Variants in PDGFB observed in about 807,000 individuals in gnomAD.
PDGFB encodes the protein platelet-derived growth factor subunit B.
A neutral mutation model predicts 29.0 loss-of-function variants in PDGFB; 6 were observed. The observed-to-expected ratio is 0.21, with a 90% CI of 0.11 to 0.41. The LOEUF is 0.41. Among genes scored for constraint, PDGFB ranks in the 10% least tolerant of loss-of-function variants. PDGFB has a pLI of 1.00. For missense variants in PDGFB, 299 were observed against 341.8 expected, an observed-to-expected ratio of 0.87 and a Z score of 0.99; for synonymous variants, 144 against 140.8, an observed-to-expected ratio of 1.02 and a Z score of -0.16.
chr22:39,231,696 G>A lies in PDGFB; in HGVS notation c.382C>T (p.Gln128Ter). The change falls in exon 4 of 7, where the codon CAG becomes TAG. Residue 128 changes from glutamine (Q) to a stop codon, truncating the protein, a stop_gained. Transcript: ENST00000331163. LOFTEE classifies it high-confidence loss of function. The surrounding 1 kb of genome is among the most constrained non-coding windows in gnomAD (Gnocchi z 4.3). ...TTGTTGCAGCAGCCGGAGCAGCGCTGCACCTCCACACAGGGCGGCCACACC... is the reference window on the plus strand; with the variant it reads ...TTGTTGCAGCAGCCGGAGCAGCGCTACACCTCCACACAGGGCGGCCACACC... ...FLVWPPCVEV[Q>*]RCSGCCNNRN... 6.2e-7 allele frequency: 1 copy of A among 1,605,808 alleles called. No individual in the cohort carries two copies. The highest frequency in any genetic ancestry group is 8.5e-7 in the Non-Finnish European group (1 of 1,176,836).
intron 2 of PDGFB, among the ~76,000 whole-genome samples, chr22:39,233,900 C>T (rs1156267603): frequency 2.6e-5 from 4 of 152,070 alleles, no homozygotes; most frequent in Non-Finnish European, 5.9e-5. Flanking sequence ...CCCAGCGTTC[C>T]CATAGGAAGT....
intron 2 of PDGFB, among the ~76,000 whole-genome samples, chr22:39,234,714 T>G (rs1425941162): frequency 6.6e-6 from 1 of 152,116 alleles, no homozygotes; most frequent in Non-Finnish European, 1.5e-5. Flanking sequence ...ATGCGCTTTG[T>G]GGAAAGGTTA....
chr22:39,239,853 G>GCACA lies in PDGFB; in HGVS notation c.64-3983_64-3980dup, dbSNP rs3985946. Among the ~76,000 whole-genome samples, 362 of 151,662 alleles carry GCACA rather than the reference G, an allele frequency of 2.4e-3. 3 individuals are homozygous for GCACA. The highest frequency in any genetic ancestry group is 4.3e-3 in the Admixed American group (65 of 15,242). ...GAACCCCACCCTCCTCCTGGGCCCAGCACACACACACAGATACACACTCCC... is the reference window on the plus strand; with the variant it reads ...GAACCCCACCCTCCTCCTGGGCCCAGCACACACACACACACAGATACACACTCCC... On this transcript the variant is annotated intron_variant, in intron 1 of 6. Coordinates refer to ENST00000331163, the MANE Select transcript of PDGFB (RefSeq NM_002608.4).
intron 4 of PDGFB, 85 bp from the exon 5 acceptor site, chr22:39,230,313 C>CGGTG (rs1569135457): frequency 7.3e-7 from 1 of 1,376,870 alleles, no homozygotes; most frequent in African/African-American, 1.4e-5. Flanking sequence ...CTTCCCACCC[C>CGGTG]GGTGTCCCCT....
rs1377696354 is a variant in PDGFB, at chr22:39,241,004, C to T, written c.63+2897G>A. On this transcript the variant is annotated intron_variant, in intron 1 of 6. Transcript: ENST00000331163. ...TCCTCCAAATTCTGTTTGACCTGCCCTTGCACACCTCCAGGGCTCTGGGAT... is the reference window on the plus strand; with the variant it reads ...TCCTCCAAATTCTGTTTGACCTGCCTTTGCACACCTCCAGGGCTCTGGGAT... 9 of 967,166 alleles carry T rather than the reference C, an allele frequency of 9.3e-6. No homozygotes were observed. The African/African-American group carries it at 9.6e-5, about 10-fold the overall frequency. The allele number at this position is 967,166 out of a possible 1,614,324, so 59.9% of individuals were successfully genotyped here.
At chr22:39,237,823 T>C (rs1009573638) in intron 1 of PDGFB, among the ~76,000 whole-genome samples, 3 of 152,294 alleles carry the variant, frequency 2.0e-5, no homozygotes, top group Non-Finnish European at 2.9e-5. Context: ...CATCTGTGAA[T>C]CGAGGGGCTT....
chr22:39,230,271 G>A (rs779458038), intron 4 of PDGFB, 43 bp from the exon 5 acceptor site: 3 of 1,607,182 alleles, frequency 1.9e-6, no homozygotes, highest in East Asian at 4.5e-5. Context: ...AGACCACACA[G>A]CCAGGAGCCC....
At chr22:39,238,512 C>G (rs561769962) in intron 1 of PDGFB, among the ~76,000 whole-genome samples, 1 of 152,124 alleles carries the variant, frequency 6.6e-6, no homozygotes, top group Non-Finnish European at 1.5e-5. Flanking sequence ...AGAAAAACAC[C>G]GTATAAACTA....
chr22:39,226,555 T>G (rs2285094), intron 5 of PDGFB, among the ~76,000 whole-genome samples: 2 of 152,056 alleles, frequency 1.3e-5, no homozygotes, highest in South Asian at 4.1e-4. Context: ...CCAATAGAAC[T>G]GCCCAGCTGA....
chr22:39,233,088 G>A (rs1442654431), intron 3 of PDGFB, among the ~76,000 whole-genome samples: 3 of 152,158 alleles, frequency 2.0e-5, no homozygotes, highest in African/African-American at 7.2e-5. Context: ...CAGCCCTACC[G>A]CTCCCTAGCA....
intron 3 of PDGFB, 48 bp downstream of exon 3, chr22:39,233,387 G>T: frequency 7.0e-7 from 1 of 1,418,644 alleles, no homozygotes; most frequent in Non-Finnish European, 9.7e-7. Flanking sequence ...CTCTTTCCCT[G>T]GCCCCCATGC....
intron 1 of PDGFB, among the ~76,000 whole-genome samples, chr22:39,236,217 C>T (rs1218020298): frequency 6.6e-6 from 1 of 152,248 alleles, no homozygotes; most frequent in Non-Finnish European, 1.5e-5. Context: ...TCTCACAACA[C>T]ACCTGACAGC....
chr22:39,231,558 C>T lies in PDGFB; in HGVS notation c.456+64G>A, dbSNP rs1167186372. 8.2e-6 allele frequency: 10 copies of T among 1,226,490 alleles called. No individual in the cohort carries two copies. The highest frequency in any genetic ancestry group is 6.7e-5 in the Admixed American group (3 of 44,528). The allele number at this position is 1,226,490 out of a possible 1,614,324, so 76.0% of individuals were successfully genotyped here. On this transcript the variant is annotated intron_variant, in intron 4 of 6. Transcript: ENST00000331163. The surrounding 1 kb of genome is among the most constrained non-coding windows in gnomAD (Gnocchi z 4.3). The stretch of plus-strand genomic sequence containing the variant: ...TCAAGGAAGCCTGGTCAGGTATGAG[C>T]CCCAGAAGGGTGGTCTCCACCCACC...
intron 1 of PDGFB, among the ~76,000 whole-genome samples, chr22:39,240,008 T>A (rs1932530484): frequency 6.6e-6 from 1 of 152,214 alleles, no homozygotes; most frequent in Non-Finnish European, 1.5e-5. Context: ...AGGCCTTATT[T>A]AGATCGAATG....
rs73884887 is a variant in PDGFB, at chr22:39,240,153, G to A, written c.63+3748C>T. Among the ~76,000 whole-genome samples the A allele has an allele frequency of 7.4e-3, 1,131 of 152,186 alleles. 27 individuals are homozygous for A. The highest frequency in any genetic ancestry group is 0.026 in the African/African-American group (1,065 of 41,530). Reference sequence around the variant, plus strand: ...TCCCGCTCAGCCTCTGCTCCTTCACGTGGGCCCAGAACCCTGGCCTCCCCA... The same window carrying A: ...TCCCGCTCAGCCTCTGCTCCTTCACATGGGCCCAGAACCCTGGCCTCCCCA... On this transcript the variant is annotated intron_variant, in intron 1 of 6. Transcript: ENST00000331163.
chr22:39,240,998 C>T (rs963047315), intron 1 of PDGFB: 22 of 1,066,390 alleles, frequency 2.1e-5, no homozygotes, highest in Non-Finnish European at 2.6e-5. Context: ...TTCTGTTTGA[C>T]CTGCCCTTGC....
At chr22:39,241,821 C>T (rs1228563031) in intron 1 of PDGFB, among the ~76,000 whole-genome samples, 1 of 152,158 alleles carries the variant, frequency 6.6e-6, no homozygotes, top group African/African-American at 2.4e-5. Context: ...CTCAGAGTCA[C>T]ATCACCACCA....
chr22:39,243,759 C>G lies in PDGFB; in HGVS notation c.63+142G>C, dbSNP rs1932626356. The stretch of plus-strand genomic sequence containing the variant: ...GTCACCCCCGGACCTCGCTCCCAGC[C>G]CGAAGAGGTCACCCAGCGCCCGGCG... On this transcript the variant is annotated intron_variant, in intron 1 of 6. Coordinates refer to ENST00000331163, the MANE Select transcript of PDGFB (RefSeq NM_002608.4). The surrounding 1 kb of genome is among the most constrained non-coding windows in gnomAD (Gnocchi z 6.4). 1.7e-6 allele frequency: 1 copy of G among 596,424 alleles called. No homozygotes were observed. 36.9% of individuals were successfully genotyped at this position (596,424 alleles called of 1,614,324 possible).
rs765212059 is a variant in PDGFB at position 39,235,794 on chromosome 22, C to G, written c.144G>C (p.Leu48=). 1.9e-6 allele frequency: 3 copies of G among 1,613,026 alleles called. No homozygotes were observed. The Admixed American group carries it at 5.0e-5, about 27-fold the overall frequency. The change falls in exon 2 of 7, where the codon CTG becomes CTC. Residue 48 remains leucine, a synonymous_variant. Coordinates refer to ENST00000331163, the MANE Select transcript of PDGFB (RefSeq NM_002608.4). ...TCCATTTACCTCCGGGGTCTCCGTG[C>G]AGCAGGCGTTGGAGATCATCAAAGG... The part of the protein sequence containing the change: ...IRSFDDLQRL[L]HGDPGEEDGA...
Sources: gnomAD v4.1 joint callset for allele counts (sites outside exome capture counted in the v4.1 genomes callset) on GRCh38, gnomAD v4.1.1 for gene constraint, Gnocchi (gnomAD v3.1) non-coding constraint, MANE v1.5 for transcripts, NCBI Gene and HGNC (gene_info 2026-07-23, HGNC 2026-07-21) for gene names.